KLF12: variants seen among roughly 807,000 people sequenced by gnomAD.
The protein encoded by KLF12 is KLF transcription factor 12, also known as Krueppel-like factor 12.
In KLF12, 9 loss-of-function variants were observed where a neutral mutation model predicts 37.8. The ratio of observed to expected loss-of-function variants is 0.24; its 90% CI spans 0.14 to 0.42. The LOEUF (loss-of-function observed/expected upper bound fraction) is 0.42, where lower values mean the gene tolerates loss of function less well. Among genes scored for constraint, KLF12 ranks in the 10% least tolerant of loss-of-function variants. The pLI is 1.00. For missense variants in KLF12, 411 were observed against 516.0 expected (o/e 0.80, Z 1.97); for synonymous variants, 208 against 202.1 (o/e 1.03, Z -0.25).
intron 3 of KLF12, among the ~76,000 whole-genome samples, chr13:73,922,849 C>T (rs1195596670): frequency 6.6e-6 from 1 of 152,174 alleles, no homozygotes; most frequent in Non-Finnish European, 1.5e-5. Context: ...TGCACTAGGG[C>T]TCCTGATTGG....
the KLF12 span, among the ~76,000 whole-genome samples, chr13:74,191,926 A>G: frequency 6.6e-6 from 1 of 152,190 alleles, no homozygotes; most frequent in African/African-American, 2.4e-5. Flanking sequence ...AATTCCAGTC[A>G]TTCCCATTTT....
intron 1 of KLF12, among the ~76,000 whole-genome samples, chr13:73,999,081 A>G (rs1892200214): frequency 6.6e-6 from 1 of 152,238 alleles, no homozygotes; most frequent in Non-Finnish European, 1.5e-5. Flanking sequence ...CAGTTAGCAA[A>G]TCATGGCTAT....
At chr13:74,129,199 GATTA>G (rs1174367791) in intron 1 of KLF12, among the ~76,000 whole-genome samples, 7 of 152,030 alleles carry the variant, frequency 4.6e-5, no homozygotes, top group Non-Finnish European at 1.0e-4. Flanking sequence ...ATCATCTCTA[GATTA>G]CTTACAATCA....
At chr13:74,055,345 A>G (rs568846418) in intron 1 of KLF12, among the ~76,000 whole-genome samples, 1 of 152,364 alleles carries the variant, frequency 6.6e-6, no homozygotes, top group East Asian at 1.9e-4. Context: ...TAGAAGAAAA[A>G]AAATGTTTGT....
At chr13:73,706,062 G>C (rs1402679032) in intron 7 of KLF12, among the ~76,000 whole-genome samples, 2 of 152,158 alleles carry the variant, frequency 1.3e-5, no homozygotes, top group Non-Finnish European at 2.9e-5. Flanking sequence ...TGAGGCAGGA[G>C]AATCACTTGA....
chr13:73,825,167 T>A (rs898856979), intron 4 of KLF12, among the ~76,000 whole-genome samples: 3 of 152,060 alleles, frequency 2.0e-5, no homozygotes, highest in Admixed American at 6.6e-5. Context: ...CCTGCCCCTG[T>A]TATGATAAAT....
chr13:74,252,906 T>A, the KLF12 span, among the ~76,000 whole-genome samples: 1 of 152,182 alleles, frequency 6.6e-6, no homozygotes, highest in African/African-American at 2.4e-5. Flanking sequence ...AAATATCCGG[T>A]CTAGATTATC....
chr13:74,220,734 T>C, the KLF12 span, among the ~76,000 whole-genome samples: 1 of 152,178 alleles, frequency 6.6e-6, no homozygotes, highest in Non-Finnish European at 1.5e-5. Flanking sequence ...ATGAAATCGA[T>C]TTTTTGCACT....
chr13:73,805,646 GAGGGAGGAAGGAAGGAAGGA>G lies in KLF12; in HGVS notation c.806+7486_806+7505del, dbSNP rs1566380272. ...GGAGGGAGGGAGGGAGGGAGGGAGG[GAGGGAGGAAGGAAGGAAGGA>G]AGGAAGGAAGGAAGGAAGGAAGGAA... On this transcript the variant is annotated intron_variant, in intron 5 of 7. Transcript: ENST00000377669. 5.2e-3 allele frequency among the ~76,000 whole-genome samples: 129 copies of G among 24,668 alleles called. 3 individuals are homozygous for G. Among genetic ancestry groups the G allele is most frequent in the African/African-American group, 0.015 (77 of 5,178 alleles). The allele number at this position is 24,668 out of a possible 152,430, so 16.2% of individuals were successfully genotyped here. A position where few individuals can be genotyped will look rare whatever the true frequency, so the allele number is the denominator to read the frequency against.
At chr13:74,277,128 T>C in the KLF12 span, among the ~76,000 whole-genome samples, 1 of 152,194 alleles carries the variant, frequency 6.6e-6, no homozygotes, top group Non-Finnish European at 1.5e-5. Flanking sequence ...CTGGTTCTCC[T>C]CTTGCTCCCT....
intron 1 of KLF12, among the ~76,000 whole-genome samples, chr13:74,023,230 T>C (rs74571507): frequency 6.6e-5 from 10 of 152,354 alleles, no homozygotes; most frequent in African/African-American, 1.4e-4. Flanking sequence ...TGAAAATGAA[T>C]GTTCTTCACC....
In KLF12 at chr13:73,715,541, G is replaced by C; in HGVS notation, c.870-16C>G. On this transcript the variant is annotated splice_polypyrimidine_tract_variant and intron_variant, in intron 6 of 7. Transcript: ENST00000377669. ...TGAAATTGAACTGGAAAAAGAAAAA[G>C]TGGAGTTACACGGTGAGATGCACAC... 1 of 1,612,692 alleles carries C rather than the reference G, an allele frequency of 6.2e-7. No homozygotes were observed. Among genetic ancestry groups the C allele is most frequent in the South Asian group, 1.1e-5 (1 of 90,944 alleles).
chr13:74,020,298 A>G (rs1892807771), intron 1 of KLF12, among the ~76,000 whole-genome samples: 1 of 152,192 alleles, frequency 6.6e-6, no homozygotes, highest in Non-Finnish European at 1.5e-5. Context: ...TCTCAACTCT[A>G]TTCAACCTAT....
At chr13:74,166,640 T>C in the KLF12 span, among the ~76,000 whole-genome samples, 1 of 152,210 alleles carries the variant, frequency 6.6e-6, no homozygotes, top group Non-Finnish European at 1.5e-5. Context: ...TCTACATGTA[T>C]TTTTATTACT....
chr13:73,830,616 ATATAAT>A (rs1319942720), intron 4 of KLF12, among the ~76,000 whole-genome samples: 7 of 152,218 alleles, frequency 4.6e-5, no homozygotes, highest in Admixed American at 1.3e-4. Context: ...AGAAAAATAA[ATATAAT>A]TATAACAGTA....
chr13:73,739,098 G>A (rs1379815320), intron 6 of KLF12, among the ~76,000 whole-genome samples: 1 of 152,024 alleles, frequency 6.6e-6, no homozygotes, highest in Non-Finnish European at 1.5e-5. Flanking sequence ...AGCCAGATGT[G>A]TTGGTGCATG....
chr13:73,846,339 G>A lies in KLF12; in HGVS notation c.158C>T (p.Ala53Val), dbSNP rs772937895. 29 of 1,613,662 alleles carry A rather than the reference G, an allele frequency of 1.8e-5. No individual in the cohort carries two copies. In the South Asian group the frequency reaches 3.2e-4, roughly 18 times the overall value. ...CACATTATTTAGCAACAGGGGAACG[G>A]CTTCCATATCGGGATAGTTGTGGAC... is the stretch of plus-strand genomic sequence containing the variant. Residue 53 changes from alanine to valine, a missense_variant, in exon 4 of 8, where the codon GCC becomes GTC. This residue lies in a region of KLF12 where 351 missense variants were observed against 397.8 expected (regional missense o/e 0.88). Transcript: ENST00000377669.
intron 6 of KLF12, among the ~76,000 whole-genome samples, chr13:73,754,098 G>C (rs562491381): frequency 4.5e-4 from 69 of 152,036 alleles, no homozygotes; most frequent in Admixed American, 9.2e-4. Flanking sequence ...TGCTCCTGGA[G>C]GTACCCTTCA....
chr13:74,073,088 G>C (rs1468311712), intron 1 of KLF12, among the ~76,000 whole-genome samples: 2 of 152,210 alleles, frequency 1.3e-5, no homozygotes, highest in African/African-American at 2.4e-5. Flanking sequence ...GCCACGTTAA[G>C]ACGTGTCTTT....
Sources: allele counts gnomAD v4.1 joint callset (sites outside exome capture counted in the v4.1 genomes callset), GRCh38; gene constraint gnomAD v4.1.1; regional missense constraint gnomAD v4.1.1; transcripts MANE v1.5; gene names NCBI Gene and HGNC (gene_info 2026-07-23, HGNC 2026-07-21).